NRG2: variants seen among roughly 807,000 people sequenced by gnomAD.
The protein encoded by NRG2 is pro-neuregulin-2, membrane-bound isoform.
In NRG2, 27 loss-of-function variants were observed where a neutral mutation model predicts 73.9. The observed-to-expected ratio is 0.37, with a 90% CI of 0.27 to 0.50. The LOEUF (loss-of-function observed/expected upper bound fraction) is 0.50. Among genes scored for constraint, NRG2 ranks in the 20% least tolerant of loss-of-function variants. The pLI, the probability that NRG2 is intolerant of heterozygous loss-of-function variation, is 0.96. For missense variants in NRG2, 1,126 were observed against 1,210.1 expected (o/e 0.93, Z 1.03); for synonymous variants, 532 against 541.0 (o/e 0.98, Z 0.23).
At chr5:140,021,460 G>T (rs1760215820) in intron 1 of NRG2, among the ~76,000 whole-genome samples, 1 of 152,168 alleles carries the variant, frequency 6.6e-6, no homozygotes, top group African/African-American at 2.4e-5. Flanking sequence ...GGCCTAAGGT[G>T]GGTATGGAAC....
chr5:140,001,360 G>A (rs1426457349), intron 1 of NRG2, among the ~76,000 whole-genome samples: 3 of 151,966 alleles, frequency 2.0e-5, no homozygotes, highest in Non-Finnish European at 4.4e-5. Context: ...TTCACACATG[G>A]TTATCTCATT....
rs79027328 is a variant in NRG2, at chr5:140,003,664, T to C, written c.700+38706A>G. Among the ~76,000 whole-genome samples, 442 of 152,322 alleles carry C rather than the reference T, an allele frequency of 2.9e-3. 4 individuals are homozygous for C. The highest frequency in any genetic ancestry group is 5.3e-3 in the Non-Finnish European group (362 of 68,034). On this transcript the variant is annotated intron_variant, in intron 1 of 9. Transcript: ENST00000361474. ...AGAATTGTAAGATAATGAATCTGGG[T>C]TGCTTTAAGCCACTAAATTGTAGCC...
chr5:139,909,393 T>C (rs948789938), intron 1 of NRG2, among the ~76,000 whole-genome samples: 3 of 152,166 alleles, frequency 2.0e-5, no homozygotes, highest in Non-Finnish European at 2.9e-5. Context: ...AAGGGGGTCT[T>C]GGGAACCATG....
Position 139,856,651 on chromosome 5 carries a change from G to A in NRG2, c.1190-873C>T, listed in dbSNP as rs1761826896. Among the ~76,000 whole-genome samples the A allele has an allele frequency of 6.6e-6, 1 of 152,172 alleles. No homozygotes were observed. Among genetic ancestry groups the A allele is most frequent in the Non-Finnish European group, 1.5e-5 (1 of 68,034 alleles). On this transcript the variant is annotated intron_variant, in intron 5 of 9. Coordinates refer to ENST00000361474, the MANE Select transcript of NRG2 (RefSeq NM_004883.3). The surrounding 1 kb of genome is among the most constrained non-coding windows in gnomAD (Gnocchi z 4.2). ...ATGCCTTGGCAGAGCCCTGGGAAAT[G>A]TCCCTAACCTCTTGGGCTTGCAGCA...
rs950376213 is a variant in NRG2, at chr5:139,894,975, G to A, written c.701-7464C>T. ...GCTGGGATGAGAACTAAAGAGGGGA[G>A]GCAGAAGCTGCACCAGGAGGGCAGA... On this transcript the variant is annotated intron_variant, in intron 1 of 9. Coordinates refer to ENST00000361474, the MANE Select transcript of NRG2 (RefSeq NM_004883.3). This position sits in a 1 kb window ranked among gnomAD's most constrained non-coding sequence, Gnocchi z 5.0. 2.0e-5 allele frequency among the ~76,000 whole-genome samples: 3 copies of A among 152,224 alleles called. No individual in the cohort carries two copies. Among genetic ancestry groups the A allele is most frequent in the African/African-American group, 7.2e-5 (3 of 41,448 alleles).
chr5:140,034,300 A>G (rs778600554), intron 1 of NRG2, among the ~76,000 whole-genome samples: 11 of 151,306 alleles, frequency 7.3e-5, no homozygotes, highest in African/African-American at 1.2e-4. Context: ...CCAGAGCTCA[A>G]GCTCTTAGTC....
intron 3 of NRG2, among the ~76,000 whole-genome samples, chr5:139,879,600 G>T (rs1763397727): frequency 6.6e-6 from 1 of 152,198 alleles, no homozygotes; most frequent in Admixed American, 6.5e-5. Flanking sequence ...AGGCTGGAAA[G>T]ATCATTTAGG....
At chr5:139,866,083 C>G (rs1297008286) in intron 4 of NRG2, among the ~76,000 whole-genome samples, 1 of 152,164 alleles carries the variant, frequency 6.6e-6, no homozygotes, top group Non-Finnish European at 1.5e-5. Context: ...GGGCCCTGGG[C>G]AGGTTTTCTC....
intron 1 of NRG2, among the ~76,000 whole-genome samples, chr5:139,943,647 AT>A (rs1430628498): frequency 2.6e-5 from 4 of 152,248 alleles, no homozygotes; most frequent in Admixed American, 1.3e-4. Flanking sequence ...ATCTAATTTA[AT>A]AACAAAATAA....
At chr5:139,979,563 G>A (rs1041142364) in intron 1 of NRG2, among the ~76,000 whole-genome samples, 7 of 152,260 alleles carry the variant, frequency 4.6e-5, no homozygotes, top group African/African-American at 1.7e-4. Context: ...TGTGGGGAAT[G>A]ATGGGATGTC....
At chr5:139,930,092 G>T (rs1053005066) in intron 1 of NRG2, among the ~76,000 whole-genome samples, 4 of 152,184 alleles carry the variant, frequency 2.6e-5, no homozygotes, top group African/African-American at 9.7e-5. Context: ...GACAAACGAG[G>T]ATTAGTGGTT....
rs1291031749 is a variant in NRG2, at chr5:139,847,911, G to C, written c.*6C>G. The C allele has an allele frequency of 7.0e-7, 1 of 1,435,734 alleles. No homozygotes were observed. The highest frequency in any genetic ancestry group is 1.4e-5 in the South Asian group (1 of 69,802). 88.9% of individuals were successfully genotyped at this position (1,435,734 alleles called of 1,614,324 possible). ...CGGGCGGGGCGGAGGGGCGCGCGGCGGGGCCCTAGAGTGGCGCCGAGTCCT... is the reference window on the plus strand; with the variant it reads ...CGGGCGGGGCGGAGGGGCGCGCGGCCGGGCCCTAGAGTGGCGCCGAGTCCT... On this transcript the variant is annotated 3_prime_UTR_variant, in exon 10 of 10. Coordinates refer to ENST00000361474, the MANE Select transcript of NRG2 (RefSeq NM_004883.3).
At chr5:140,018,765 C>T (rs1339149260) in intron 1 of NRG2, among the ~76,000 whole-genome samples, 1 of 152,218 alleles carries the variant, frequency 6.6e-6, no homozygotes, top group Non-Finnish European at 1.5e-5. Flanking sequence ...TCCAGACCAA[C>T]ACCACCATCC....
At chr5:139,893,721 G>A (rs977541058) in intron 1 of NRG2, among the ~76,000 whole-genome samples, 18 of 152,268 alleles carry the variant, frequency 1.2e-4, no homozygotes, top group African/African-American at 3.6e-4. Context: ...TCTTCCTCCT[G>A]GGACAAGGGT....
chr5:139,887,223 C>G lies in NRG2; in HGVS notation c.872+117G>C. On this transcript the variant is annotated intron_variant, in intron 2 of 9. Coordinates refer to ENST00000361474, the MANE Select transcript of NRG2 (RefSeq NM_004883.3). This position sits in a 1 kb window ranked among gnomAD's most constrained non-coding sequence, Gnocchi z 4.5. ...AGGGGAGTATGGAGAGGGGCTGGGA[C>G]TGGTTCCATGGGTGAGTCTGGGGGC... is the stretch of plus-strand genomic sequence containing the variant. 8.3e-7 allele frequency: 1 copy of G among 1,209,596 alleles called. No homozygotes were observed. The highest frequency in any genetic ancestry group is 1.2e-6 in the Non-Finnish European group (1 of 838,326). The allele number at this position is 1,209,596 out of a possible 1,614,324, so 74.9% of individuals were successfully genotyped here. A position where few individuals can be genotyped will look rare whatever the true frequency, so the allele number is the denominator to read the frequency against.
intron 5 of NRG2, among the ~76,000 whole-genome samples, chr5:139,863,495 G>A (rs1344454107): frequency 6.6e-6 from 1 of 152,260 alleles, no homozygotes; most frequent in Non-Finnish European, 1.5e-5. Flanking sequence ...AGCTGAAGCA[G>A]CCCAGCTGGC....
At chr5:140,001,386 T>C (rs1047499203) in intron 1 of NRG2, among the ~76,000 whole-genome samples, 19 of 152,210 alleles carry the variant, frequency 1.2e-4, no homozygotes, top group Non-Finnish European at 7.3e-5. Context: ...AACCAAATTA[T>C]AAGCAATTTG....
At chr5:140,027,151 CA>C (rs971421609) in intron 1 of NRG2, among the ~76,000 whole-genome samples, 19 of 146,546 alleles carry the variant, frequency 1.3e-4, no homozygotes, top group South Asian at 4.3e-4. Flanking sequence ...TGGCTAATTT[CA>C]AAAAAAAAAA....
intron 1 of NRG2, among the ~76,000 whole-genome samples, chr5:139,952,450 G>A (rs914081264): frequency 4.6e-5 from 7 of 152,170 alleles, no homozygotes; most frequent in East Asian, 1.9e-4. Flanking sequence ...GAGAGCTTCC[G>A]TGGCTTAGAC....
Sources: gnomAD v4.1 joint callset for allele counts (sites outside exome capture counted in the v4.1 genomes callset) on GRCh38, gnomAD v4.1.1 for gene constraint, Gnocchi (gnomAD v3.1) non-coding constraint, MANE v1.5 for transcripts, NCBI Gene and HGNC (gene_info 2026-07-23, HGNC 2026-07-21) for gene names.